CEP112: variants seen among roughly 807,000 people sequenced by gnomAD.
CEP112 encodes centrosomal protein of 112 kDa.
In CEP112, 127 loss-of-function variants were observed where a neutral mutation model predicts 153.0. The observed-to-expected ratio is 0.83, with a 90% CI of 0.72 to 0.96. CEP112 has a LOEUF of 0.96. Ranked by LOEUF, CEP112 falls within the 40% of genes least tolerant of loss-of-function variation. CEP112 has a pLI of 0.00. For missense variants in CEP112, 1,089 were observed against 1,101.2 expected (o/e 0.99, Z 0.16); for synonymous variants, 358 against 374.4 (o/e 0.96, Z 0.51).
intron 20 of CEP112, among the ~76,000 whole-genome samples, chr17:65,855,640 C>T (rs2146341567): frequency 6.6e-6 from 1 of 152,116 alleles, no homozygotes; most frequent in East Asian, 1.9e-4. Flanking sequence ...TCTGATAGTC[C>T]CAGGGGAAAA....
At chr17:65,883,528 T>C (rs1482528287) in intron 20 of CEP112, among the ~76,000 whole-genome samples, 1 of 151,906 alleles carries the variant, frequency 6.6e-6, no homozygotes, top group Non-Finnish European at 1.5e-5. Context: ...GCCCAGCTAA[T>C]GTTTTGTACT....
chr17:65,826,975 G>T (rs1415905573), intron 21 of CEP112, among the ~76,000 whole-genome samples: 1 of 152,234 alleles, frequency 6.6e-6, no homozygotes, highest in Non-Finnish European at 1.5e-5. Flanking sequence ...CTAATCAGCT[G>T]CCTGCATGGA....
At chr17:66,066,114 C>G (rs1395747755) in intron 10 of CEP112, among the ~76,000 whole-genome samples, 1 of 152,100 alleles carries the variant, frequency 6.6e-6, no homozygotes, top group Non-Finnish European at 1.5e-5. Flanking sequence ...ATTTTCAACA[C>G]TCTCTCTCAT....
intron 21 of CEP112, among the ~76,000 whole-genome samples, chr17:65,780,346 C>T (rs1463520241): frequency 2.0e-5 from 3 of 151,998 alleles, no homozygotes; most frequent in Admixed American, 1.3e-4. Context: ...TCAAAGCTCA[C>T]CCTCAGAGAA....
In CEP112 at chr17:65,901,983, C is replaced by CGGGGGG. The variant is rs1193965831; in HGVS notation, c.2163+163_2163+168dup. On this transcript the variant is annotated intron_variant, in intron 20 of 26. Coordinates refer to ENST00000535342, the MANE Select transcript of CEP112 (RefSeq NM_001199165.4). ...AGTTAAGGCTTTATTCATCCCAAAA[C>CGGGGGG]GGGGGGGGGGGGGGGTGGGGGGGAG... Among the ~76,000 whole-genome samples the CGGGGGG allele has an allele frequency of 3.4e-3, 17 of 4,930 alleles. 1 individual carries two copies. Among genetic ancestry groups the CGGGGGG allele is most frequent in the African/African-American group, 4.8e-3 (5 of 1,032 alleles). The allele number at this position is 4,930 out of a possible 152,430, so 3.2% of individuals were successfully genotyped here. A position where few individuals can be genotyped will look rare whatever the true frequency, so the allele number is the denominator to read the frequency against.
chr17:65,749,782 T>G (rs1309252764), intron 22 of CEP112, among the ~76,000 whole-genome samples: 1 of 152,204 alleles, frequency 6.6e-6, no homozygotes, highest in Non-Finnish European at 1.5e-5. Context: ...ATTATCTTTT[T>G]GTTGTTGTTG....
intron 6 of CEP112, among the ~76,000 whole-genome samples, chr17:66,117,300 G>T (rs1381064898): frequency 6.6e-6 from 1 of 151,982 alleles, no homozygotes; most frequent in African/African-American, 2.4e-5. Context: ...ACTCTGATAG[G>T]CTTCAGCTCT....
intron 24 of CEP112, among the ~76,000 whole-genome samples, chr17:65,681,743 G>C (rs2047542479): frequency 1.4e-5 from 2 of 141,522 alleles, no homozygotes; most frequent in African/African-American, 5.4e-5. Context: ...GTGCAATCTT[G>C]GCTCACTGCA....
chr17:65,803,755 T>C (rs1287909391), intron 21 of CEP112, among the ~76,000 whole-genome samples: 2 of 152,236 alleles, frequency 1.3e-5, no homozygotes, highest in Non-Finnish European at 2.9e-5. Flanking sequence ...GTGCATCATG[T>C]TCATGCATTG....
intron 18 of CEP112, among the ~76,000 whole-genome samples, chr17:65,933,153 A>G (rs1043724586): frequency 1.3e-5 from 2 of 152,144 alleles, no homozygotes; most frequent in African/African-American, 4.8e-5. Context: ...GCAAAAAGTA[A>G]AAAGAATAAA....
At chr17:65,738,004 G>A (rs529936301) in intron 23 of CEP112, among the ~76,000 whole-genome samples, 5 of 152,294 alleles carry the variant, frequency 3.3e-5, no homozygotes, top group East Asian at 1.9e-4. Flanking sequence ...TCGATGAGCC[G>A]TGTTTACACA....
chr17:66,136,996 A>C (rs1047951259), intron 4 of CEP112, among the ~76,000 whole-genome samples: 1 of 152,212 alleles, frequency 6.6e-6, no homozygotes, highest in East Asian at 1.9e-4. Context: ...AAATGGCCCA[A>C]AGAAAGGAAC....
chr17:65,820,619 G>T (rs142650321), intron 21 of CEP112, among the ~76,000 whole-genome samples: 1 of 151,966 alleles, frequency 6.6e-6, no homozygotes, highest in African/African-American at 2.4e-5. Flanking sequence ...TGGGCCATTC[G>T]CTATAATCTA....
chr17:65,926,033 A>G (rs1400413887), intron 19 of CEP112, among the ~76,000 whole-genome samples: 1 of 152,252 alleles, frequency 6.6e-6, no homozygotes, highest in African/African-American at 2.4e-5. Flanking sequence ...TATTTTTAAA[A>G]GAAGAAAATA....
rs534550039 is a variant in CEP112 at position 66,014,788 on chromosome 17, C to T, written c.1657-9019G>A. 8.7e-4 allele frequency among the ~76,000 whole-genome samples: 132 copies of T among 152,330 alleles called. 3 individuals carry two copies. The South Asian group carries it at 8.7e-3, about 10-fold the overall frequency. ...CCCCTTTCAGCCCAGTGTCTCTGTC[C>T]TCCCTCTGTCCACTCTCAGTAACTT... On this transcript the variant is annotated intron_variant, in intron 16 of 26. Coordinates refer to ENST00000535342, the MANE Select transcript of CEP112 (RefSeq NM_001199165.4).
intron 23 of CEP112, among the ~76,000 whole-genome samples, chr17:65,712,552 C>T (rs1297023952): frequency 1.3e-5 from 2 of 151,464 alleles, no homozygotes; most frequent in African/African-American, 4.9e-5. Flanking sequence ...CTATTCGCGT[C>T]ACTATCCTCA....
chr17:66,120,238 T>C (rs1206581461), intron 6 of CEP112, among the ~76,000 whole-genome samples: 1 of 152,116 alleles, frequency 6.6e-6, no homozygotes, highest in Non-Finnish European at 1.5e-5. Context: ...TCTCACTCCA[T>C]CGCCCAGGCT....
intron 23 of CEP112, among the ~76,000 whole-genome samples, chr17:65,690,723 G>A (rs2048068407): frequency 6.6e-6 from 1 of 152,150 alleles, no homozygotes; most frequent in Non-Finnish European, 1.5e-5. Context: ...GAATGACTCC[G>A]AGATGGTATG....
chr17:65,717,943 A>C (rs919515619), intron 23 of CEP112, among the ~76,000 whole-genome samples: 1 of 152,186 alleles, frequency 6.6e-6, no homozygotes, highest in Non-Finnish European at 1.5e-5. Flanking sequence ...GGAACAACAA[A>C]AAAAATCCTG....
Sources: gnomAD v4.1 joint callset for allele counts (sites outside exome capture counted in the v4.1 genomes callset) on GRCh38, gnomAD v4.1.1 for gene constraint, MANE v1.5 for transcripts, NCBI Gene and HGNC (gene_info 2026-07-23, HGNC 2026-07-21) for gene names.